RTL4: variants seen among roughly 807,000 people sequenced by gnomAD.
RTL4 encodes the protein retrotransposon Gag-like protein 4.
In RTL4, 4 loss-of-function variants were observed where a neutral mutation model predicts 5.3. The ratio of observed to expected loss-of-function variants is 0.75; its 90% CI spans 0.37 to 1.72. RTL4 has a LOEUF of 1.72. Ranked by LOEUF, RTL4 falls within the 40% of genes most tolerant of loss-of-function variation. The probability of loss-of-function intolerance (pLI) is 0.04; values close to 1 mark genes in which losing one functional copy is unlikely to be tolerated. For missense variants in RTL4, 260 were observed against 227.1 expected (o/e 1.14, Z -0.93); for synonymous variants, 98 against 87.3 (o/e 1.12, Z -0.68).
At chrX:112,259,311 C>T in the RTL4 span, among the ~76,000 whole-genome samples, 5,164 of 111,036 alleles carry the variant, frequency 0.047, 282 homozygotes, top group African/African-American at 0.16. Flanking sequence ...AACATTTAAG[C>T]AAGTCCTCAT....
the RTL4 span, among the ~76,000 whole-genome samples, chrX:112,386,553 T>C: frequency 9.1e-6 from 1 of 110,065 alleles, no homozygotes; most frequent in Non-Finnish European, 1.9e-5. Flanking sequence ...ACCATTCTTA[T>C]GTTTTTGTAT....
chrX:112,431,482 C>T, the RTL4 span, among the ~76,000 whole-genome samples: 1 of 110,998 alleles, frequency 9.0e-6, no homozygotes, highest in African/African-American at 3.3e-5. Context: ...CCACATTAAG[C>T]CTCCAGCAAT....
the RTL4 span, among the ~76,000 whole-genome samples, chrX:112,122,860 A>G: frequency 9.0e-6 from 1 of 111,663 alleles, no homozygotes; most frequent in Non-Finnish European, 1.9e-5. Flanking sequence ...TCTAGAAATA[A>G]TGACTGTCAA....
the RTL4 span, among the ~76,000 whole-genome samples, chrX:112,272,766 C>T: frequency 9.0e-6 from 1 of 111,375 alleles, no homozygotes; most frequent in Non-Finnish European, 1.9e-5. Context: ...ATTTTGTCTT[C>T]TAGTGTCCAT....
At chrX:112,303,275 A>G in the RTL4 span, among the ~76,000 whole-genome samples, 1 of 111,379 alleles carries the variant, frequency 9.0e-6, no homozygotes, top group Non-Finnish European at 1.9e-5. Flanking sequence ...TAATGAGTTC[A>G]TTACGTGTTA....
the RTL4 span, among the ~76,000 whole-genome samples, chrX:112,134,053 CTGAT>C: frequency 1.8e-5 from 2 of 112,446 alleles, no homozygotes; most frequent in African/African-American, 3.2e-5. Flanking sequence ...GCATAGCAGA[CTGAT>C]TGAGCTATAC....
the RTL4 span, among the ~76,000 whole-genome samples, chrX:112,178,688 TA>T: frequency 8.9e-6 from 1 of 111,968 alleles, no homozygotes; most frequent in East Asian, 2.8e-4. Flanking sequence ...TCATCTGTGA[TA>T]GCACCTGCGA....
the RTL4 span, among the ~76,000 whole-genome samples, chrX:112,200,040 A>G: frequency 3.6e-5 from 4 of 112,219 alleles, no homozygotes; most frequent in South Asian, 1.5e-3. Context: ...AATTCATACC[A>G]CAACCTAGAG....
the RTL4 span, among the ~76,000 whole-genome samples, chrX:112,425,478 C>T: frequency 5.4e-5 from 6 of 110,853 alleles, no homozygotes; most frequent in African/African-American, 1.6e-4. Flanking sequence ...GGTAAGAGGA[C>T]GATTAGTTTT....
chrX:112,436,727 C>A, the RTL4 span, among the ~76,000 whole-genome samples: 8 of 110,246 alleles, frequency 7.3e-5, no homozygotes, highest in Middle Eastern at 4.6e-3. Context: ...TTCTCCAGCG[C>A]CCCAGATGTG....
the RTL4 span, among the ~76,000 whole-genome samples, chrX:112,215,013 C>T: frequency 8.9e-6 from 1 of 111,750 alleles, no homozygotes; most frequent in East Asian, 2.8e-4. Flanking sequence ...TGGTCTCGAT[C>T]TCCTGACCTT....
the RTL4 span, among the ~76,000 whole-genome samples, chrX:112,358,263 G>A: frequency 1.0e-5 from 1 of 100,384 alleles, no homozygotes; most frequent in East Asian, 3.0e-4. Flanking sequence ...ACCATGGCCA[G>A]TTAACTTATG....
the RTL4 span, among the ~76,000 whole-genome samples, chrX:112,411,492 G>A: frequency 9.0e-6 from 1 of 110,961 alleles, no homozygotes; most frequent in Non-Finnish European, 1.9e-5. Context: ...ATACATTAAA[G>A]AGATCATTCA....
At chrX:112,424,036 AC>A in the RTL4 span, among the ~76,000 whole-genome samples, 1 of 111,488 alleles carries the variant, frequency 9.0e-6, no homozygotes, top group East Asian at 2.8e-4. Context: ...TAGTTCGTGT[AC>A]CTGATGTCTG....
At chrX:112,133,403 A>T in the RTL4 span, among the ~76,000 whole-genome samples, 7 of 112,068 alleles carry the variant, frequency 6.2e-5, no homozygotes, top group Admixed American at 6.7e-4. Context: ...CAATTGTATT[A>T]AAATGAACAA....
At chrX:112,264,243 G>A in the RTL4 span, among the ~76,000 whole-genome samples, 65 of 112,390 alleles carry the variant, frequency 5.8e-4, no homozygotes, top group African/African-American at 2.1e-3. Context: ...AGGCTAGTGT[G>A]TAGAGGGATG....
the RTL4 span, among the ~76,000 whole-genome samples, chrX:112,405,329 T>TA: frequency 6.3e-5 from 7 of 111,979 alleles, no homozygotes; most frequent in Admixed American, 9.4e-5. Context: ...AAGCATCACT[T>TA]ACTTTTCTCC....
chrX:112,152,440 C>T, the RTL4 span, among the ~76,000 whole-genome samples: 2 of 111,673 alleles, frequency 1.8e-5, no homozygotes, highest in East Asian at 5.7e-4. Flanking sequence ...TAATGGTGGA[C>T]CTGTGTCTGT....
the RTL4 span, among the ~76,000 whole-genome samples, chrX:112,130,830 G>A: frequency 4.3e-3 from 395 of 91,544 alleles, 2 homozygotes; most frequent in Non-Finnish European, 6.6e-3. Context: ...GTCTCGCTCT[G>A]TCGCCCAGTC....
Sources: gnomAD v4.1 joint callset for allele counts (sites outside exome capture counted in the v4.1 genomes callset) on GRCh38, gnomAD v4.1.1 for gene constraint, MANE v1.5 for transcripts, NCBI Gene and HGNC (gene_info 2026-07-23, HGNC 2026-07-21) for gene names.